SPATS2L: variants seen among roughly 807,000 people sequenced by gnomAD.
The protein encoded by SPATS2L is spermatogenesis associated serine rich 2 like.
Under a neutral mutation model 59.6 loss-of-function variants are expected in SPATS2L, and 30 were observed. The observed-to-expected ratio is 0.50, with a 90% CI of 0.38 to 0.68. The LOEUF is 0.68. Ranked by LOEUF, SPATS2L falls within the 30% of genes least tolerant of loss-of-function variation. The pLI, the probability that SPATS2L is intolerant of heterozygous loss-of-function variation, is 0.00. For synonymous variants in SPATS2L, 252 were observed against 263.5 expected (o/e 0.96, Z 0.42); for missense variants, 615 against 700.0 (o/e 0.88, Z 1.37).
chr2:200,328,274 G>T (rs2079821287), intron 1 of SPATS2L, among the ~76,000 whole-genome samples: 2 of 152,120 alleles, frequency 1.3e-5, no homozygotes, highest in African/African-American at 4.8e-5. Context: ...GCTTATGGAG[G>T]TCATTACAAA....
At chr2:200,452,241 A>G (rs1250298131) in intron 8 of SPATS2L, among the ~76,000 whole-genome samples, 1 of 152,260 alleles carries the variant, frequency 6.6e-6, no homozygotes, top group Non-Finnish European at 1.5e-5. Context: ...AAAAATTTCT[A>G]TTGTTCATCA....
intron 3 of SPATS2L, among the ~76,000 whole-genome samples, chr2:200,410,147 G>A (rs2082826030): frequency 6.6e-6 from 1 of 151,658 alleles, no homozygotes; most frequent in Admixed American, 6.6e-5. Context: ...TGCCTGATGT[G>A]GTAATAATGA....
intron 8 of SPATS2L, among the ~76,000 whole-genome samples, chr2:200,457,822 T>C (rs1225010306): frequency 6.6e-6 from 1 of 152,250 alleles, no homozygotes; most frequent in Non-Finnish European, 1.5e-5. Flanking sequence ...TAAACTGCTA[T>C]GGATATATTC....
At chr2:200,438,535 G>C (rs2084462063) in intron 6 of SPATS2L, among the ~76,000 whole-genome samples, 1 of 152,114 alleles carries the variant, frequency 6.6e-6, no homozygotes, top group African/African-American at 2.4e-5. Context: ...TGACTCCCTA[G>C]ATTTTAAATA....
chr2:200,447,487 T>C (rs1013330842), intron 8 of SPATS2L, among the ~76,000 whole-genome samples: 4 of 152,140 alleles, frequency 2.6e-5, no homozygotes, highest in African/African-American at 7.2e-5. Flanking sequence ...CAGGTAAGCA[T>C]AGGAAAAATA....
intron 2 of SPATS2L, among the ~76,000 whole-genome samples, chr2:200,360,466 A>G (rs576138889): frequency 6.6e-5 from 10 of 152,348 alleles, no homozygotes; most frequent in African/African-American, 1.7e-4. Context: ...GTCCTCCCCA[A>G]CCAGGGGCAG....
At chr2:200,350,711 T>G (rs941851059) in intron 2 of SPATS2L, among the ~76,000 whole-genome samples, 4 of 152,166 alleles carry the variant, frequency 2.6e-5, no homozygotes, top group South Asian at 2.1e-4. Flanking sequence ...TTGTTTGTTT[T>G]TTTAGTAGAG....
chr2:200,397,633 G>T (rs2082398097), intron 3 of SPATS2L, among the ~76,000 whole-genome samples: 1 of 151,370 alleles, frequency 6.6e-6, no homozygotes, highest in African/African-American at 2.4e-5. Context: ...TTATCCTATA[G>T]TAATATATTA....
intron 6 of SPATS2L, among the ~76,000 whole-genome samples, chr2:200,433,045 C>T (rs2084043728): frequency 6.6e-6 from 1 of 152,138 alleles, no homozygotes; most frequent in African/African-American, 2.4e-5. Flanking sequence ...AAATAATGGA[C>T]ACAGTTTATC....
intron 6 of SPATS2L, among the ~76,000 whole-genome samples, chr2:200,426,980 T>G (rs1438057792): frequency 1.3e-5 from 2 of 152,074 alleles, no homozygotes; most frequent in Non-Finnish European, 2.9e-5. Context: ...ATAAAACCCC[T>G]CAGGTATTTT....
In SPATS2L at chr2:200,306,898, G is replaced by C. The variant is rs899321469; in HGVS notation, c.-97G>C. 4 of 981,358 alleles carry C rather than the reference G, an allele frequency of 4.1e-6. No individual in the cohort carries two copies. The highest frequency in any genetic ancestry group is 9.4e-5 in the South Asian group (2 of 21,254). The allele number at this position is 981,358 out of a possible 1,614,324, so 60.8% of individuals were successfully genotyped here. A position where few individuals can be genotyped will look rare whatever the true frequency, so the allele number is the denominator to read the frequency against. ...CCGGGCCCCGGCTCCGGCCCGGGAC[G>C]GAGGAGCCGGCGCTCGACACAGAGG... On this transcript the variant is annotated 5_prime_UTR_variant, in exon 1 of 13. Coordinates refer to ENST00000409140, the MANE Select transcript of SPATS2L (RefSeq NM_001100423.2).
chr2:200,367,908 T>G (rs998447664), intron 2 of SPATS2L, among the ~76,000 whole-genome samples: 2 of 152,242 alleles, frequency 1.3e-5, no homozygotes, highest in African/African-American at 4.8e-5. Context: ...TGTAGTATTT[T>G]GTCTCATGGT....
intron 2 of SPATS2L, among the ~76,000 whole-genome samples, chr2:200,357,340 A>G (rs1294880615): frequency 6.6e-6 from 1 of 152,164 alleles, no homozygotes; most frequent in African/African-American, 2.4e-5. Flanking sequence ...ATTGCTGGCT[A>G]AGTGAGGCCA....
At chr2:200,378,652 A>G (rs765605830) in intron 2 of SPATS2L, among the ~76,000 whole-genome samples, 18 of 152,208 alleles carry the variant, frequency 1.2e-4, no homozygotes, top group Admixed American at 6.5e-5. Context: ...TTCTGACTCA[A>G]TGAACTAGGA....
intron 4 of SPATS2L, 26 bp from the exon 5 acceptor site, chr2:200,416,353 G>A (rs2083059213): frequency 7.6e-7 from 1 of 1,318,766 alleles, no homozygotes; most frequent in Non-Finnish European, 1.0e-6. Context: ...GTGAATATTT[G>A]TTGAAGATTC....
intron 3 of SPATS2L, among the ~76,000 whole-genome samples, chr2:200,398,501 ACAATGATTCAGTAAT>A (rs2105949744): frequency 6.6e-6 from 1 of 152,350 alleles, no homozygotes; most frequent in East Asian, 1.9e-4. Context: ...TCTAGGGTGA[ACAATGATTCAGTAAT>A]CTTATTCTCC....
intron 3 of SPATS2L, among the ~76,000 whole-genome samples, chr2:200,392,486 A>C (rs2082201907): frequency 6.6e-6 from 1 of 152,064 alleles, no homozygotes; most frequent in Non-Finnish European, 1.5e-5. Context: ...TAAACGAGTA[A>C]ATGTGTTCCC....
chr2:200,466,636 C>T (rs752846299), intron 9 of SPATS2L, among the ~76,000 whole-genome samples: 2 of 152,220 alleles, frequency 1.3e-5, no homozygotes, highest in African/African-American at 4.8e-5. Flanking sequence ...GCTGGCCTCA[C>T]TCACTCTTGA....
At chr2:200,434,143 A>C (rs1417051205) in intron 6 of SPATS2L, among the ~76,000 whole-genome samples, 2 of 152,050 alleles carry the variant, frequency 1.3e-5, no homozygotes, top group Non-Finnish European at 2.9e-5. Context: ...TCAGTTTAAC[A>C]TTTAAAAAAA....
Sources: gnomAD v4.1 joint callset for allele counts (sites outside exome capture counted in the v4.1 genomes callset) on GRCh38, gnomAD v4.1.1 for gene constraint, MANE v1.5 for transcripts, NCBI Gene and HGNC (gene_info 2026-07-23, HGNC 2026-07-21) for gene names.